MGMT: variants seen among roughly 807,000 people sequenced by gnomAD.
MGMT encodes methylated-DNA--protein-cysteine methyltransferase.
MGMT carries 14 observed loss-of-function variants against 15.9 expected under a neutral mutation model. The observed-to-expected ratio is 0.88, with a 90% CI of 0.58 to 1.37. The LOEUF (loss-of-function observed/expected upper bound fraction) is 1.37. MGMT is among the 40% of genes most tolerant of loss of function. The probability of loss-of-function intolerance (pLI) is 0.00; values close to 1 mark genes in which losing one functional copy is unlikely to be tolerated. For missense variants in MGMT, 282 were observed against 268.1 expected (o/e 1.05, Z -0.36); for synonymous variants, 130 against 118.2 (o/e 1.10, Z -0.65).
chr10:129,578,537 G>A (rs1344624816), intron 2 of MGMT, among the ~76,000 whole-genome samples: 2 of 151,850 alleles, frequency 1.3e-5, no homozygotes, highest in African/African-American at 4.8e-5. Flanking sequence ...CTGTTGTGGG[G>A]TGGGAGGAGG....
intron 2 of MGMT, among the ~76,000 whole-genome samples, chr10:129,704,367 G>A (rs2133138551): frequency 6.6e-6 from 1 of 152,212 alleles, no homozygotes; most frequent in South Asian, 2.1e-4. Flanking sequence ...GGGCCTCTTT[G>A]TGACGGGACC....
chr10:129,724,497 A>G (rs1230904429), intron 3 of MGMT, among the ~76,000 whole-genome samples: 1 of 152,210 alleles, frequency 6.6e-6, no homozygotes, highest in Non-Finnish European at 1.5e-5. Context: ...TGTTTGTCAG[A>G]ATTCATCAAA....
In MGMT at chr10:129,527,242, T is replaced by C. The variant is rs1402113069; in HGVS notation, c.-12-8999T>C. Among the ~76,000 whole-genome samples the C allele has an allele frequency of 3.9e-5, 6 of 152,338 alleles. No homozygotes were observed. The South Asian group carries it at 6.2e-4, about 16-fold the overall frequency. On this transcript the variant is annotated intron_variant, in intron 1 of 4. Coordinates refer to ENST00000651593, the MANE Select transcript of MGMT (RefSeq NM_002412.5). ...TGTCTGGTTGCCCCTTAGACTATGG[T>C]ACTCTCAGCAACACGGCTGTCCCAT...
At chr10:129,473,284 G>A (rs778593184) in intron 1 of MGMT, among the ~76,000 whole-genome samples, 7 of 152,164 alleles carry the variant, frequency 4.6e-5, no homozygotes, top group African/African-American at 4.8e-5. Context: ...GCAGCATTTC[G>A]TGTGTTTGTG....
chr10:129,677,165 CAT>C (rs1057261170), intron 2 of MGMT, among the ~76,000 whole-genome samples: 10 of 97,544 alleles, frequency 1.0e-4, no homozygotes, highest in Admixed American at 4.5e-4. Context: ...ACATGAAACA[CAT>C]GTGTTTTTTT....
At chr10:129,671,986 A>G (rs1847729949) in intron 2 of MGMT, among the ~76,000 whole-genome samples, 1 of 152,236 alleles carries the variant, frequency 6.6e-6, no homozygotes, top group Non-Finnish European at 1.5e-5. Context: ...TGTATACTTC[A>G]CATCCTTTAT....
intron 2 of MGMT, among the ~76,000 whole-genome samples, chr10:129,675,830 A>T (rs1345770921): frequency 2.0e-5 from 3 of 152,142 alleles, no homozygotes; most frequent in Non-Finnish European, 4.4e-5. Context: ...AACCATCGGG[A>T]AAAAGGGTGC....
At chr10:129,732,160 T>A (rs202223275) in intron 3 of MGMT, among the ~76,000 whole-genome samples, 2 of 36,704 alleles carry the variant, frequency 5.4e-5, no homozygotes, top group East Asian at 3.1e-3. Flanking sequence ...CTTTTTTAAA[T>A]TTTTTTTATT....
At chr10:129,467,521 C>A in intron 1 of MGMT, 1 of 782,546 alleles carries the variant, frequency 1.3e-6, no homozygotes, top group Non-Finnish European at 1.6e-6. Context: ...GCTGCAGTGA[C>A]TGTGGACTGG....
chr10:129,637,036 C>T (rs139715784), intron 2 of MGMT, among the ~76,000 whole-genome samples: 1 of 152,208 alleles, frequency 6.6e-6, no homozygotes, highest in Non-Finnish European at 1.5e-5. Flanking sequence ...TTGTTTCTCA[C>T]ATATTTTACA....
intron 2 of MGMT, among the ~76,000 whole-genome samples, chr10:129,679,808 G>T (rs1317422860): frequency 6.6e-6 from 1 of 152,172 alleles, no homozygotes; most frequent in Non-Finnish European, 1.5e-5. Context: ...TCCTTTGCAA[G>T]TTCCAGTCAG....
chr10:129,592,146 G>A (rs995045093), intron 2 of MGMT, among the ~76,000 whole-genome samples: 2 of 152,066 alleles, frequency 1.3e-5, no homozygotes, highest in Admixed American at 6.5e-5. Flanking sequence ...CTTTTTTCCT[G>A]GAATACCATT....
intron 4 of MGMT, 103 bp from the exon 5 acceptor site, chr10:129,766,685 C>T (rs1266427885): frequency 9.4e-7 from 1 of 1,068,766 alleles, no homozygotes; most frequent in East Asian, 2.6e-5. Flanking sequence ...CAGGCCCCTG[C>T]TTGGTGGGCA....
intron 1 of MGMT, among the ~76,000 whole-genome samples, chr10:129,529,619 A>G (rs749595607): frequency 2.0e-4 from 30 of 152,096 alleles, no homozygotes; most frequent in Admixed American, 6.5e-4. Flanking sequence ...GGAAGATGTG[A>G]TCTGATTTAC....
In MGMT at chr10:129,471,207, C is replaced by T. The variant is rs185808758; in HGVS notation, c.-13+3911C>T. On this transcript the variant is annotated intron_variant, in intron 1 of 4. Coordinates refer to ENST00000651593, the MANE Select transcript of MGMT (RefSeq NM_002412.5). ...TGGACATTTTTCTGCAAGCACAGCG[C>T]GGGTGGCAGTTTTTACTGACAAATT... Among the ~76,000 whole-genome samples the T allele has an allele frequency of 3.3e-3, 501 of 152,254 alleles. 2 individuals carry two copies. Among genetic ancestry groups the T allele is most frequent in the Non-Finnish European group, 5.0e-3 (339 of 68,014 alleles).
At chr10:129,578,211 C>G (rs1450818970) in intron 2 of MGMT, among the ~76,000 whole-genome samples, 4 of 152,162 alleles carry the variant, frequency 2.6e-5, no homozygotes, top group Non-Finnish European at 5.9e-5. Flanking sequence ...ATAAATCATG[C>G]TGCTATAAAG....
rs548354059 is a variant in MGMT at position 129,699,931 on chromosome 10, G to A, written c.126-7964G>A. On this transcript the variant is annotated intron_variant, in intron 2 of 4. Transcript: ENST00000651593. ...TAGACTCACCTGTGATAAGTGGGAGGCCCTCTTGTACCAGAAAGTTTTAAA... is the reference window on the plus strand; with the variant it reads ...TAGACTCACCTGTGATAAGTGGGAGACCCTCTTGTACCAGAAAGTTTTAAA... Among the ~76,000 whole-genome samples the A allele has an allele frequency of 7.9e-5, 12 of 152,060 alleles. No individual in the cohort carries two copies. In the South Asian group the frequency reaches 2.5e-3, roughly 32 times the overall value.
intron 1 of MGMT, among the ~76,000 whole-genome samples, chr10:129,476,919 G>A (rs970674115): frequency 6.6e-6 from 1 of 152,160 alleles, no homozygotes; most frequent in Admixed American, 6.5e-5. Context: ...ATGGTTTTGA[G>A]CTGGGCACTG....
Position 129,743,548 on chromosome 10 carries a change from G to A in MGMT, c.275-15654G>A, listed in dbSNP as rs141747316. On this transcript the variant is annotated intron_variant, in intron 3 of 4. Transcript: ENST00000651593. Reference sequence around the variant, plus strand: ...CTCAGTCTGTCCCTGCCCATTGTCCGCACACTCATTCCCTCCATGCCCCAG... The same window carrying A: ...CTCAGTCTGTCCCTGCCCATTGTCCACACACTCATTCCCTCCATGCCCCAG... Among the ~76,000 whole-genome samples, 127 of 152,210 alleles carry A rather than the reference G, an allele frequency of 8.3e-4. 1 individual carries two copies. Among genetic ancestry groups the A allele is most frequent in the African/African-American group, 2.7e-3 (114 of 41,508 alleles).
Sources: allele counts gnomAD v4.1 joint callset (sites outside exome capture counted in the v4.1 genomes callset), GRCh38; gene constraint gnomAD v4.1.1; transcripts MANE v1.5; gene names NCBI Gene and HGNC (gene_info 2026-07-23, HGNC 2026-07-21).